ENTPD3: variants seen among roughly 807,000 people sequenced by gnomAD.
ENTPD3 encodes the protein CD39 antigen-like 3.
In ENTPD3, 60 loss-of-function variants were observed where a neutral mutation model predicts 51.2. The observed-to-expected ratio is 1.17, with a 90% confidence interval of 0.95 to 1.45. The LOEUF is 1.45. Ranked by LOEUF, ENTPD3 falls within the 40% of genes most tolerant of loss-of-function variation. ENTPD3 has a pLI of 0.00. For synonymous variants in ENTPD3, 221 were observed against 238.4 expected, an observed-to-expected ratio of 0.93 and a Z score of 0.67; for missense variants, 593 against 641.1, an observed-to-expected ratio of 0.93 and a Z score of 0.81.
intron 2 of ENTPD3, among the ~76,000 whole-genome samples, chr3:40,389,155 C>T (rs1955003991): frequency 1.3e-5 from 2 of 152,330 alleles, no homozygotes; most frequent in African/African-American, 4.8e-5. Context: ...TGTAACGTCA[C>T]TCATACAGAC....
chr3:40,419,114 A>G (rs1281956317), intron 7 of ENTPD3, among the ~76,000 whole-genome samples: 1 of 152,162 alleles, frequency 6.6e-6, no homozygotes, highest in Non-Finnish European at 1.5e-5. Context: ...TTACTATCCC[A>G]TAATTTATCA....
In ENTPD3 at chr3:40,411,930, C is replaced by G. The variant is rs1401279019; in HGVS notation, c.405C>G (p.His135Gln). ...ACCTCCACGGATCCACCCCCATTCA[C>G]CTGGGAGCCACGGCTGGGATGCGCT... is the stretch of plus-strand genomic sequence containing the variant. ...PSHLHGSTPI[H>Q]LGATAGMRLL... The change falls in exon 5 of 11, where the codon CAC (histidine) becomes CAG (glutamine). Residue 135 changes from histidine to glutamine, a missense_variant. His to Gln is a conservative substitution (Grantham distance 24, BLOSUM62 0). Transcript: ENST00000301825. 3.1e-6 allele frequency: 5 copies of G among 1,611,412 alleles called. No homozygotes were observed. Among genetic ancestry groups the G allele is most frequent in the Non-Finnish European group, 4.2e-6 (5 of 1,178,986 alleles).
Position 40,393,089 on chromosome 3 carries a change from CATAAT to C in ENTPD3, c.168+943_168+947del, listed in dbSNP as rs1955102676. On this transcript the variant is annotated intron_variant, in intron 3 of 10. Transcript: ENST00000301825. ...CCCAAATGATCTTTAGGCTCAGAAT[CATAAT>C]ATATCCCCAGGCTTGGCTCTGAGGG... 2.6e-5 allele frequency among the ~76,000 whole-genome samples: 4 copies of C among 151,998 alleles called. No individual in the cohort carries two copies. In the South Asian group the frequency reaches 8.3e-4, roughly 32 times the overall value.
intron 4 of ENTPD3, 148 bp from the exon 5 acceptor site, chr3:40,411,664 G>A: frequency 1.7e-6 from 1 of 588,646 alleles, no homozygotes; most frequent in Non-Finnish European, 2.8e-6. Flanking sequence ...TGATCAGTGT[G>A]ACCATACGGG....
intron 7 of ENTPD3, among the ~76,000 whole-genome samples, chr3:40,421,052 C>T (rs1298247572): frequency 6.9e-6 from 1 of 145,260 alleles, no homozygotes; most frequent in Non-Finnish European, 1.5e-5. Flanking sequence ...GAGACGGAGT[C>T]TTGCTTTGTC....
chr3:40,414,145 CCAG>C (rs1341853424), intron 5 of ENTPD3, among the ~76,000 whole-genome samples: 1 of 152,178 alleles, frequency 6.6e-6, no homozygotes, highest in African/African-American at 2.4e-5. Flanking sequence ...GTTTTTCAAT[CCAG>C]TGACAGCCAT....
chr3:40,423,486 C>A, intron 9 of ENTPD3, 85 bp downstream of exon 9: 1 of 965,272 alleles, frequency 1.0e-6, no homozygotes, highest in South Asian at 1.5e-5. Context: ...TGAATTTAGC[C>A]TTTATGCTCT....
chr3:40,392,603 A>G (rs1345033710), intron 3 of ENTPD3: 1 of 155,222 alleles, frequency 6.4e-6, no homozygotes, highest in African/African-American at 2.4e-5. Flanking sequence ...TTTACCGGTT[A>G]GTGCACTTTC....
At chr3:40,421,023 A>T (rs1479725526) in intron 7 of ENTPD3, among the ~76,000 whole-genome samples, 6 of 145,256 alleles carry the variant, frequency 4.1e-5, no homozygotes, top group African/African-American at 1.7e-4. Context: ...TAATTAATTT[A>T]AATTTTTTTT....
chr3:40,404,741 T>C (rs1387733366), intron 4 of ENTPD3, among the ~76,000 whole-genome samples: 2 of 152,320 alleles, frequency 1.3e-5, no homozygotes, highest in African/African-American at 4.8e-5. Flanking sequence ...CTCAAAGGCT[T>C]GTGGCTTCTC....
chr3:40,423,163 A>G (rs770422585), intron 8 of ENTPD3, 41 bp downstream of exon 8: 10 of 1,590,100 alleles, frequency 6.3e-6, no homozygotes, highest in Non-Finnish European at 8.6e-6. Flanking sequence ...TCCCCATTGA[A>G]TATTCATTTC....
chr3:40,392,354 G>C, intron 3 of ENTPD3: 1 of 590,756 alleles, frequency 1.7e-6, no homozygotes, highest in Non-Finnish European at 2.9e-6. Context: ...TGAGGGTAGT[G>C]ACTGACACCT....
At chr3:40,425,298 T>A (rs1374435944) in intron 10 of ENTPD3, among the ~76,000 whole-genome samples, 1 of 151,992 alleles carries the variant, frequency 6.6e-6, no homozygotes, top group Non-Finnish European at 1.5e-5. Context: ...ATGCCTGTAA[T>A]CCCAGCTACT....
At chr3:40,414,277 G>A (rs911213587) in intron 5 of ENTPD3, among the ~76,000 whole-genome samples, 6 of 152,150 alleles carry the variant, frequency 3.9e-5, no homozygotes, top group Admixed American at 3.9e-4. Flanking sequence ...CTGGTCAGAT[G>A]AGGGTTCCTT....
intron 3 of ENTPD3, among the ~76,000 whole-genome samples, chr3:40,400,573 G>A (rs978175741): frequency 3.3e-5 from 5 of 152,136 alleles, no homozygotes; most frequent in Non-Finnish European, 7.3e-5. Flanking sequence ...GTTGATGCCT[G>A]AGTCCACTCT....
intron 2 of ENTPD3, among the ~76,000 whole-genome samples, chr3:40,388,912 G>A (rs933079379): frequency 1.3e-5 from 2 of 152,152 alleles, no homozygotes; most frequent in Non-Finnish European, 2.9e-5. Flanking sequence ...GGCCAGCCAC[G>A]TAGCTGTGGT....
intron 4 of ENTPD3, among the ~76,000 whole-genome samples, chr3:40,406,129 T>C (rs142751918): frequency 0.013 from 1,994 of 152,240 alleles, 13 homozygotes; most frequent in Middle Eastern, 0.024. Flanking sequence ...AGAGTGATCA[T>C]GCTGTTTTGA....
At chr3:40,399,474 C>A (rs940015219) in intron 3 of ENTPD3, 2 of 152,112 alleles carry the variant, frequency 1.3e-5, no homozygotes, top group Non-Finnish European at 1.5e-5. Flanking sequence ...GGCAACTTAC[C>A]CAGTCCAGCA....
intron 10 of ENTPD3, among the ~76,000 whole-genome samples, chr3:40,426,759 A>G (rs1955993489): frequency 6.6e-6 from 1 of 152,244 alleles, no homozygotes; most frequent in Admixed American, 6.5e-5. Context: ...GGGTTACAAC[A>G]TAATGATAAA....
Sources: allele counts gnomAD v4.1 joint callset (sites outside exome capture counted in the v4.1 genomes callset), GRCh38; gene constraint gnomAD v4.1.1; transcripts MANE v1.5; gene names NCBI Gene and HGNC (gene_info 2026-07-23, HGNC 2026-07-21).